The following SCGB2B2 variants were observed in gnomAD, a reference collection of about 807,000 sequenced individuals.
The protein encoded by SCGB2B2 is secretoglobin family 2B member 2.
SCGB2B2 carries 11 observed loss-of-function variants against 7.6 expected under a neutral mutation model. The observed-to-expected ratio is 1.45, with a 90% CI of 0.91 to 2.40. SCGB2B2 has a LOEUF of 2.40. SCGB2B2 is among the 30% of genes most tolerant of loss of function. SCGB2B2 has a pLI of 0.00. For synonymous variants in SCGB2B2, 50 were observed against 48.6 expected (o/e 1.03, Z -0.12); for missense variants, 104 against 115.4 (o/e 0.90, Z 0.45).
At position 34,605,334 on chromosome 19, in the gene SCGB2B2, T is replaced by C. The variant is rs114391091; in HGVS notation, c.-2031-8740A>G. Among the ~76,000 whole-genome samples, 1,162 of 152,304 alleles carry C rather than the reference T, an allele frequency of 7.6e-3. 10 individuals carry two copies. Among genetic ancestry groups the C allele is most frequent in the African/African-American group, 0.027 (1,107 of 41,566 alleles). ...GGTTTTGTATGGATGGCTGGAGTCA[T>C]AGGCACTTCCACTACAGTAGAGATG... is the stretch of plus-strand genomic sequence containing the variant. On this transcript the variant is annotated intron_variant, in intron 1 of 3. Transcript: ENST00000601241.
intron 1 of SCGB2B2, among the ~76,000 whole-genome samples, chr19:34,636,011 A>T (rs536323211): frequency 6.6e-6 from 1 of 152,290 alleles, no homozygotes; most frequent in South Asian, 2.1e-4. Context: ...GTCTTTCATG[A>T]TTGGACCACA....
downstream of SCGB2B2, among the ~76,000 whole-genome samples, chr19:34,588,288 C>A (rs903172876): frequency 2.0e-5 from 3 of 152,174 alleles, no homozygotes; most frequent in Non-Finnish European, 4.4e-5. Flanking sequence ...TACATTTCTG[C>A]TAGGTTTTCA....
At chr19:34,608,369 C>G (rs867525928) in intron 1 of SCGB2B2, among the ~76,000 whole-genome samples, 12 of 151,334 alleles carry the variant, frequency 7.9e-5, no homozygotes, top group Middle Eastern at 3.4e-3. Flanking sequence ...TATGCTCACC[C>G]TACAGTGCTA....
intron 1 of SCGB2B2, among the ~76,000 whole-genome samples, chr19:34,605,780 C>G (rs980374370): frequency 1.3e-5 from 2 of 151,820 alleles, no homozygotes; most frequent in African/African-American, 4.8e-5. Flanking sequence ...TTTTAGTAGA[C>G]ACGGGGTTCC....
At chr19:34,634,098 C>T (rs1032774603) in intron 1 of SCGB2B2, among the ~76,000 whole-genome samples, 1 of 152,210 alleles carries the variant, frequency 6.6e-6, no homozygotes, top group Non-Finnish European at 1.5e-5. Context: ...TGACCTTGTG[C>T]ACAGGAGACT....
At chr19:34,659,061 C>A (rs1170365757) in intron 1 of SCGB2B2, among the ~76,000 whole-genome samples, 1 of 152,152 alleles carries the variant, frequency 6.6e-6, no homozygotes, top group Non-Finnish European at 1.5e-5. Context: ...TCAATGGATG[C>A]AGAAAAGGCC....
chr19:34,668,201 C>G (rs1024722344), intron 1 of SCGB2B2, among the ~76,000 whole-genome samples: 8 of 152,144 alleles, frequency 5.3e-5, no homozygotes, highest in Admixed American at 4.6e-4. Context: ...GAGGGAGAGG[C>G]GCGAGCGGGA....
rs747718730 is a variant in SCGB2B2, at chr19:34,592,692, A to G, written c.*863T>C. Among the ~76,000 whole-genome samples, 2 of 151,982 alleles carry G rather than the reference A, an allele frequency of 1.3e-5. No homozygotes were observed. Among genetic ancestry groups the G allele is most frequent in the Non-Finnish European group, 2.9e-5 (2 of 67,978 alleles). ...AATCAACTGAGGGGTGAGGTGGGAG[A>G]GAGGGGCCGTGTTTGAGGGTGGCAC... On this transcript the variant is annotated 3_prime_UTR_variant, in exon 4 of 4. Coordinates refer to ENST00000601241, the MANE Select transcript of SCGB2B2 (RefSeq NM_001025591.4).
intron 1 of SCGB2B2, among the ~76,000 whole-genome samples, chr19:34,655,566 A>G (rs886474859): frequency 6.6e-6 from 1 of 151,348 alleles, no homozygotes; most frequent in Non-Finnish European, 1.5e-5. Context: ...ATGTCTCCCT[A>G]AAGTGTGTAA....
chr19:34,598,293 T>C (rs1264606595), intron 1 of SCGB2B2, among the ~76,000 whole-genome samples: 1 of 152,088 alleles, frequency 6.6e-6, no homozygotes, highest in East Asian at 1.9e-4. Context: ...GAGCGTGGAA[T>C]GGGGTCTGTA....
intron 1 of SCGB2B2, among the ~76,000 whole-genome samples, chr19:34,620,767 A>G (rs2066220732): frequency 6.6e-6 from 1 of 152,238 alleles, no homozygotes; most frequent in African/African-American, 2.4e-5. Flanking sequence ...GAGATGTTCC[A>G]GCAGCGATGG....
At chr19:34,601,778 TC>T (rs1341108236) in intron 1 of SCGB2B2, among the ~76,000 whole-genome samples, 7 of 152,214 alleles carry the variant, frequency 4.6e-5, no homozygotes, top group Admixed American at 4.6e-4. Context: ...TCTTCAATCC[TC>T]AGATTTTTAC....
intron 1 of SCGB2B2, among the ~76,000 whole-genome samples, chr19:34,617,044 T>C (rs544100329): frequency 2.0e-3 from 305 of 152,334 alleles, no homozygotes; most frequent in Non-Finnish European, 2.9e-3. Context: ...CATTGATCTA[T>C]ATCTCTGTTT....
intron 1 of SCGB2B2, among the ~76,000 whole-genome samples, chr19:34,615,345 G>A (rs1216044923): frequency 6.6e-6 from 1 of 151,916 alleles, no homozygotes; most frequent in Non-Finnish European, 1.5e-5. Flanking sequence ...GGGGGTTATT[G>A]GGATCCTCTG....
chr19:34,585,904 A>C (rs942160113), downstream of SCGB2B2, among the ~76,000 whole-genome samples: 8 of 152,252 alleles, frequency 5.3e-5, no homozygotes, highest in African/African-American at 1.9e-4. Context: ...TGAAATCCAG[A>C]ATAATTGGTG....
chr19:34,654,364 C>A (rs1441930063), intron 1 of SCGB2B2, among the ~76,000 whole-genome samples: 1 of 151,126 alleles, frequency 6.6e-6, no homozygotes, highest in Non-Finnish European at 1.5e-5. Flanking sequence ...GAGAGACCAT[C>A]AGGCTAGGAT....
chr19:34,658,595 T>C (rs2067349648), intron 1 of SCGB2B2, among the ~76,000 whole-genome samples: 1 of 151,968 alleles, frequency 6.6e-6, no homozygotes, highest in African/African-American at 2.4e-5. Context: ...GTTCTGAAAT[T>C]GAGGCAATAA....
intron 1 of SCGB2B2, among the ~76,000 whole-genome samples, chr19:34,631,194 A>T (rs1333081759): frequency 1.3e-5 from 2 of 152,146 alleles, no homozygotes; most frequent in African/African-American, 4.8e-5. Flanking sequence ...CAGCACACCA[A>T]CATGGCACAT....
At chr19:34,609,920 C>A (rs139990744) in intron 1 of SCGB2B2, among the ~76,000 whole-genome samples, 270 of 152,200 alleles carry the variant, frequency 1.8e-3, no homozygotes, top group Middle Eastern at 3.4e-3. Flanking sequence ...GTAATACGCT[C>A]ATTTTTACAA....
Sources: allele counts gnomAD v4.1 joint callset (sites outside exome capture counted in the v4.1 genomes callset), GRCh38; gene constraint gnomAD v4.1.1; transcripts MANE v1.5; gene names NCBI Gene and HGNC (gene_info 2026-07-23, HGNC 2026-07-21).